TLN2: variants seen among roughly 807,000 people sequenced by gnomAD.
TLN2 encodes talin 2.
Under a neutral mutation model 294.7 loss-of-function variants are expected in TLN2, and 118 were observed. The observed-to-expected ratio is 0.40, with a 90% confidence interval of 0.34 to 0.47. The LOEUF is 0.47. TLN2 is among the 20% of genes least tolerant of loss of function. TLN2 has a pLI of 0.84. For missense variants in TLN2, 3,083 were observed against 3,282.2 expected (o/e 0.94, Z 1.48); for synonymous variants, 1,431 against 1,304.5 (o/e 1.10, Z -2.09).
At chr15:62,703,602 GACACACACACACACACACACGCGCGC>G (rs1489120564) in intron 19 of TLN2, among the ~76,000 whole-genome samples, 2 of 127,650 alleles carry the variant, frequency 1.6e-5, no homozygotes, top group Admixed American at 8.5e-5. Context: ...TGTTTACTTC[GACACACACACACACACACACGCGCGC>G]ACACACACAC....
chr15:62,648,542 ACG>A (rs1213660194), intron 4 of TLN2, among the ~76,000 whole-genome samples: 2 of 131,954 alleles, frequency 1.5e-5, no homozygotes, highest in African/African-American at 5.7e-5. Context: ...GATGATGATG[ACG>A]ATTTTTTTTT....
intron 2 of TLN2, among the ~76,000 whole-genome samples, chr15:62,602,577 C>G (rs2047090658): frequency 6.6e-6 from 1 of 152,214 alleles, no homozygotes; most frequent in South Asian, 2.1e-4. Context: ...TTTTATTTCT[C>G]ATAGCTCTGG....
At chr15:62,662,848 G>C (rs1435362606) in intron 9 of TLN2, among the ~76,000 whole-genome samples, 1 of 118,248 alleles carries the variant, frequency 8.5e-6, no homozygotes, top group Non-Finnish European at 1.7e-5. Context: ...TTTGGAGACA[G>C]AGTCTTGCTC....
intron 43 of TLN2, among the ~76,000 whole-genome samples, chr15:62,778,628 C>G (rs1448596192): frequency 1.3e-5 from 2 of 152,246 alleles, no homozygotes; most frequent in Admixed American, 6.5e-5. Context: ...AGAGCAGGCC[C>G]TGCACCACCT....
intron 1 of TLN2, among the ~76,000 whole-genome samples, chr15:62,401,208 G>A (rs1468679252): frequency 1.3e-5 from 2 of 152,172 alleles, no homozygotes; most frequent in African/African-American, 4.8e-5. Flanking sequence ...TCCCTAAAAA[G>A]CTTTCCTTCT....
Position 62,800,599 on chromosome 15 carries a change from G to A in TLN2, c.6361-54G>A, listed in dbSNP as rs2065868247. The A allele has an allele frequency of 9.9e-6, 16 of 1,610,558 alleles. No homozygotes were observed. In the South Asian group the frequency reaches 1.5e-4, roughly 16 times the overall value. ...ATGCGATCCAGAAGTAAAAGGAGTAGGGGCTGGACCTGAGTCACTGCACTA... is the reference window on the plus strand; with the variant it reads ...ATGCGATCCAGAAGTAAAAGGAGTAAGGGCTGGACCTGAGTCACTGCACTA... On this transcript the variant is annotated intron_variant, in intron 49 of 58. Coordinates refer to ENST00000636159, the MANE Select transcript of TLN2 (RefSeq NM_015059.3).
At chr15:62,735,391 C>T (rs1437829685) in intron 28 of TLN2, among the ~76,000 whole-genome samples, 1 of 152,174 alleles carries the variant, frequency 6.6e-6, no homozygotes, top group African/African-American at 2.4e-5. Flanking sequence ...CGTTTATCAC[C>T]AAATCCCATC....
At chr15:62,427,411 C>G (rs964529106) in intron 1 of TLN2, among the ~76,000 whole-genome samples, 1 of 152,146 alleles carries the variant, frequency 6.6e-6, no homozygotes, top group Admixed American at 6.5e-5. Flanking sequence ...AGTCCCTATT[C>G]TGAGGTGTCC....
intron 11 of TLN2, among the ~76,000 whole-genome samples, chr15:62,678,848 A>G (rs1428101874): frequency 1.3e-5 from 2 of 152,130 alleles, no homozygotes; most frequent in Non-Finnish European, 2.9e-5. Context: ...ATAAATAAAT[A>G]AATCTGTAAG....
At chr15:62,785,971 C>G (rs530373649) in intron 45 of TLN2, among the ~76,000 whole-genome samples, 56 of 152,344 alleles carry the variant, frequency 3.7e-4, no homozygotes, top group African/African-American at 1.2e-3. Flanking sequence ...TTTGCAGCAG[C>G]TGACGTTTTC....
chr15:62,830,184 AT>A (rs1443085232), intron 54 of TLN2: 2 of 152,212 alleles, frequency 1.3e-5, no homozygotes, highest in Non-Finnish European at 2.9e-5. Context: ...GGATTCCGTT[AT>A]CCCCTTTATA....
At chr15:62,639,927 TA>T (rs2140910489) in intron 3 of TLN2, among the ~76,000 whole-genome samples, 1 of 152,274 alleles carries the variant, frequency 6.6e-6, no homozygotes, top group South Asian at 2.1e-4. Flanking sequence ...CTCCTTAAAT[TA>T]AAGATAGCTG....
intron 57 of TLN2, among the ~76,000 whole-genome samples, chr15:62,837,171 T>TA (rs2069777429): frequency 6.6e-6 from 1 of 152,214 alleles, no homozygotes; most frequent in Admixed American, 6.5e-5. Flanking sequence ...GTGAAAGGCC[T>TA]AAAGTGCATT....
chr15:62,762,964 A>G (rs2062768129), intron 39 of TLN2, among the ~76,000 whole-genome samples: 1 of 152,238 alleles, frequency 6.6e-6, no homozygotes, highest in Non-Finnish European at 1.5e-5. Context: ...CTAAAAAGAC[A>G]TCCCCAAGTA....
At chr15:62,808,413 G>T (rs1434165549) in intron 51 of TLN2, among the ~76,000 whole-genome samples, 1 of 152,126 alleles carries the variant, frequency 6.6e-6, no homozygotes, top group Non-Finnish European at 1.5e-5. Context: ...GAACTTTACT[G>T]CAGTAAACAT....
chr15:62,787,806 C>T (rs919406868), intron 45 of TLN2, among the ~76,000 whole-genome samples: 2 of 148,764 alleles, frequency 1.3e-5, no homozygotes, highest in Admixed American at 1.3e-4. Flanking sequence ...ATTCTCCTGC[C>T]TCAGCCTCCT....
chr15:62,594,190 G>A (rs2046300820), intron 2 of TLN2, among the ~76,000 whole-genome samples: 1 of 152,100 alleles, frequency 6.6e-6, no homozygotes, highest in African/African-American at 2.4e-5. Flanking sequence ...CACAGTTACG[G>A]TCAATTGATT....
intron 9 of TLN2, among the ~76,000 whole-genome samples, chr15:62,665,004 T>TGGTA (rs10634188): frequency 0.87 from 131,860 of 151,626 alleles, 58,920 homozygotes; most frequent in Non-Finnish European, 0.97. Context: ...TTCTCCTTGG[T>TGGTA]GGTAGGTATA....
intron 39 of TLN2, 138 bp from the exon 40 acceptor site, chr15:62,763,425 G>A (rs1376540930): frequency 8.7e-7 from 1 of 1,152,806 alleles, no homozygotes; most frequent in Non-Finnish European, 1.2e-6. Context: ...TTGCCAACCA[G>A]GGGTCAGGGA....
Sources: allele counts gnomAD v4.1 joint callset (sites outside exome capture counted in the v4.1 genomes callset), GRCh38; gene constraint gnomAD v4.1.1; transcripts MANE v1.5; gene names NCBI Gene and HGNC (gene_info 2026-07-23, HGNC 2026-07-21).